The following ATP2B4 variants were observed in gnomAD, a reference collection of about 807,000 sequenced individuals.
ATP2B4 encodes plasma membrane calcium-transporting ATPase 4.
In ATP2B4, 39 loss-of-function variants were observed where a neutral mutation model predicts 110.3. The observed-to-expected ratio is 0.35, with a 90% confidence interval of 0.27 to 0.46. The LOEUF is 0.46. Ranked by LOEUF, ATP2B4 falls within the 20% of genes least tolerant of loss-of-function variation. The pLI is 1.00. For missense variants in ATP2B4, 1,135 were observed against 1,530.9 expected (o/e 0.74, Z 4.32); for synonymous variants, 538 against 571.7 (o/e 0.94, Z 0.84).
chr1:203,719,379 G>A (rs1022075427), intron 15 of ATP2B4, among the ~76,000 whole-genome samples: 6 of 151,554 alleles, frequency 4.0e-5, no homozygotes, highest in East Asian at 3.9e-4. Context: ...TTTTTCTGTC[G>A]TTTTTGGTGT....
At chr1:203,699,400 C>G in intron 3 of ATP2B4, 60 bp from the exon 4 acceptor site, 2 of 1,595,570 alleles carry the variant, frequency 1.3e-6, no homozygotes, top group Non-Finnish European at 8.6e-7. Flanking sequence ...AAGCACTACT[C>G]CTATTTCTTA....
At chr1:203,710,827 C>T (rs761898532) in intron 11 of ATP2B4, 50 bp from the exon 12 acceptor site, 49 of 1,377,482 alleles carry the variant, frequency 3.6e-5, no homozygotes, top group South Asian at 9.8e-5. Context: ...ATTGTAGAAA[C>T]GTATTGAGTG....
At position 203,720,560 on chromosome 1, in the gene ATP2B4, C is replaced by T; in HGVS notation, c.2418C>T (p.Gly806=). The change falls in exon 16 of 21, where the codon GGC becomes GGT. Residue 806 remains glycine, a synonymous_variant. Transcript: ENST00000357681. Reference sequence around the variant, plus strand: ...CCATCTTACCTCAGGGCATCGCAGGCACAGATGTAGCAAAGGAGGCTTCAG... The same window carrying T: ...CCATCTTACCTCAGGGCATCGCAGGTACAGATGTAGCAAAGGAGGCTTCAG... ...ADVGFAMGIA[G]TDVAKEASDI... is the part of the protein sequence containing the mutation. The T allele has an allele frequency of 6.2e-7, 1 of 1,607,488 alleles. No homozygotes were observed. The highest frequency in any genetic ancestry group is 1.1e-5 in the South Asian group (1 of 89,622).
Position 203,740,368 on chromosome 1 carries a change from A to G in ATP2B4, c.*514A>G, listed in dbSNP as rs1666973431. On this transcript the variant is annotated 3_prime_UTR_variant, in exon 21 of 21. Transcript: ENST00000357681. ...TGAAAACTTACACCTAAAGGCCTGT[A>G]GGCCTCTAACTCTTTCTGCCCTTTC... 1 of 155,092 alleles carries G rather than the reference A, an allele frequency of 6.4e-6. No individual in the cohort carries two copies. The highest frequency in any genetic ancestry group is 1.4e-5 in the Non-Finnish European group (1 of 69,912). 9.6% of individuals were successfully genotyped at this position (155,092 alleles called of 1,614,324 possible).
At chr1:203,667,335 C>A (rs1664533505) in intron 1 of ATP2B4, among the ~76,000 whole-genome samples, 1 of 152,188 alleles carries the variant, frequency 6.6e-6, no homozygotes, top group South Asian at 2.1e-4. Flanking sequence ...CTAGATAATC[C>A]TTCTACAAGT....
chr1:203,741,510 A>G lies in ATP2B4; in HGVS notation c.*1656A>G, dbSNP rs1666996171. ...TTCATGTCCCTGACTCTCACCTCCC[A>G]TTAGATAAATGAAGCCCACCCCCCT... On this transcript the variant is annotated 3_prime_UTR_variant, in exon 21 of 21. Transcript: ENST00000357681. 2 of 152,326 alleles carry G rather than the reference A, an allele frequency of 1.3e-5. No individual in the cohort carries two copies. The highest frequency in any genetic ancestry group is 6.5e-5 in the Admixed American group (1 of 15,268). The allele number at this position is 152,326 out of a possible 1,614,324, so 9.4% of individuals were successfully genotyped here.
In ATP2B4 at chr1:203,727,342, A is replaced by G. The variant is rs950163365; in HGVS notation, c.3133-53A>G. 4 of 1,594,156 alleles carry G rather than the reference A, an allele frequency of 2.5e-6. No individual in the cohort carries two copies. In the African/African-American group the frequency reaches 5.4e-5, roughly 21 times the overall value. Reference sequence around the variant, plus strand: ...GCCTGGCTCATGTAAGTTGACTGACAGCTCTTCTCACGCTGATTCTGACGT... The same window carrying G: ...GCCTGGCTCATGTAAGTTGACTGACGGCTCTTCTCACGCTGATTCTGACGT... On this transcript the variant is annotated intron_variant, in intron 19 of 20. Coordinates refer to ENST00000357681, the MANE Select transcript of ATP2B4 (RefSeq NM_001684.5).
At chr1:203,683,437 G>A (rs1217685388) in intron 2 of ATP2B4, 39 bp downstream of exon 2, 2 of 1,529,472 alleles carry the variant, frequency 1.3e-6, no homozygotes, top group Admixed American at 2.0e-5. Context: ...GGAGGAAGGT[G>A]GCTAGTGTTT....
At position 203,740,027 on chromosome 1, in the gene ATP2B4, A is replaced by T. The variant is rs1199326911; in HGVS notation, c.*173A>T. The T allele has an allele frequency of 2.7e-6, 2 of 740,822 alleles. No homozygotes were observed. The highest frequency in any genetic ancestry group is 4.2e-6 in the Non-Finnish European group (2 of 471,890). 45.9% of individuals were successfully genotyped at this position (740,822 alleles called of 1,614,324 possible). ...GAGGCAAGAGCACAGACTTACAAGG[A>T]TTTCAACTTAAGCTTGACTTGGGGT... is the stretch of plus-strand genomic sequence containing the variant. On this transcript the variant is annotated 3_prime_UTR_variant, in exon 21 of 21. Coordinates refer to ENST00000357681, the MANE Select transcript of ATP2B4 (RefSeq NM_001684.5).
chr1:203,727,916 C>T (rs1666573246), intron 20 of ATP2B4, among the ~76,000 whole-genome samples: 2 of 152,198 alleles, frequency 1.3e-5, no homozygotes, highest in African/African-American at 4.8e-5. Flanking sequence ...GGGAAATGCT[C>T]AGTTTTTCCC....
chr1:203,733,865 C>G (rs1315976623), intron 20 of ATP2B4, among the ~76,000 whole-genome samples: 2 of 152,106 alleles, frequency 1.3e-5, no homozygotes. Context: ...AGTTTGGGAT[C>G]TTTTGAGGAA....
intron 2 of ATP2B4, among the ~76,000 whole-genome samples, chr1:203,689,384 G>A (rs941164557): frequency 3.9e-5 from 6 of 152,240 alleles, no homozygotes; most frequent in African/African-American, 1.4e-4. Flanking sequence ...AGGAAGAATG[G>A]TGTTTTCTGA....
intron 15 of ATP2B4, among the ~76,000 whole-genome samples, chr1:203,717,355 T>C (rs1255308743): frequency 1.3e-5 from 2 of 151,526 alleles, no homozygotes; most frequent in African/African-American, 4.8e-5. Flanking sequence ...AATGAGTGGA[T>C]TTTTTTTTAA....
chr1:203,718,105 GTTTGT>G (rs1666212195), intron 15 of ATP2B4, among the ~76,000 whole-genome samples: 1 of 151,914 alleles, frequency 6.6e-6, no homozygotes, highest in South Asian at 2.1e-4. Flanking sequence ...TTGCTTTTGT[GTTTGT>G]TTTGTGTTTG....
chr1:203,698,218 C>A lies in ATP2B4; in HGVS notation c.255C>A (p.Ile85=). 1.9e-6 allele frequency: 3 copies of A among 1,614,102 alleles called. No homozygotes were observed. The highest frequency in any genetic ancestry group is 1.3e-5 in the African/African-American group (1 of 74,998). ...GGCAGGTGTTTGGACACAACGTGAT[C>A]CCCCCCAAAAAGCCCAAGACTTTCT... The part of the protein sequence containing the change: ...KRRQVFGHNV[I]PPKKPKTFLE... Residue 85 remains isoleucine (I), a synonymous_variant, in exon 3 of 21, where the codon ATC becomes ATA. Transcript: ENST00000357681.
chr1:203,722,763 A>T (rs1571765061), intron 18 of ATP2B4, 74 bp downstream of exon 18: 1 of 1,407,082 alleles, frequency 7.1e-7, no homozygotes, highest in Non-Finnish European at 9.8e-7. Context: ...AGGGTTCCCT[A>T]CATACCTAGG....
rs1001597208 is a variant in ATP2B4, at chr1:203,739,978, A to G, written c.*124A>G. 11 of 1,062,486 alleles carry G rather than the reference A, an allele frequency of 1.0e-5. No homozygotes were observed. In the Admixed American group the frequency reaches 1.9e-4, roughly 19 times the overall value. The allele number at this position is 1,062,486 out of a possible 1,614,324, so 65.8% of individuals were successfully genotyped here. A position where few individuals can be genotyped will look rare whatever the true frequency, so the allele number is the denominator to read the frequency against. ...GCTGTGTTAACAGCAGTGTGTGTGA[A>G]GTGAACCTCTACCTGACCATGAAGA... On this transcript the variant is annotated 3_prime_UTR_variant, in exon 21 of 21. Transcript: ENST00000357681.
At chr1:203,660,491 A>T (rs1664303487) in intron 1 of ATP2B4, among the ~76,000 whole-genome samples, 1 of 151,796 alleles carries the variant, frequency 6.6e-6, no homozygotes, top group South Asian at 2.1e-4. Context: ...GAGCAGTAAG[A>T]AGAGAACGGA....
At chr1:203,699,323 C>T (rs1665623141) in intron 3 of ATP2B4, 137 bp from the exon 4 acceptor site, 1 of 1,200,258 alleles carries the variant, frequency 8.3e-7, no homozygotes, top group Non-Finnish European at 1.2e-6. Context: ...CTGATATCCT[C>T]TTCCAGCCAA....
Sources: allele counts gnomAD v4.1 joint callset (sites outside exome capture counted in the v4.1 genomes callset), GRCh38; gene constraint gnomAD v4.1.1; transcripts MANE v1.5; gene names NCBI Gene and HGNC (gene_info 2026-07-23, HGNC 2026-07-21).